The following CAST variants were observed in gnomAD, a reference collection of about 807,000 sequenced individuals.
CAST encodes the protein calpastatin.
A neutral mutation model predicts 119.6 loss-of-function variants in CAST; 76 were observed. The ratio of observed to expected loss-of-function variants is 0.64; its 90% CI spans 0.53 to 0.77. CAST has a LOEUF of 0.77. CAST is among the 30% of genes least tolerant of loss of function. The pLI is 0.00. For missense variants in CAST, 953 were observed against 946.5 expected (o/e 1.01, Z -0.09); for synonymous variants, 319 against 331.6 (o/e 0.96, Z 0.41).
At chr5:96,531,631 A>AT (rs1745690781) in intron 1 of CAST, among the ~76,000 whole-genome samples, 1 of 152,190 alleles carries the variant, frequency 6.6e-6, no homozygotes, top group Non-Finnish European at 1.5e-5. Flanking sequence ...AGATCACAAG[A>AT]TTTTTTTAAG....
chr5:96,485,872 A>T, the CAST span, among the ~76,000 whole-genome samples: 94 of 152,080 alleles, frequency 6.2e-4, no homozygotes, highest in Admixed American at 2.9e-3. Flanking sequence ...CCTTACAATT[A>T]CTGGGGGTGT....
At chr5:96,350,968 A>C in the CAST span, among the ~76,000 whole-genome samples, 1 of 152,136 alleles carries the variant, frequency 6.6e-6, no homozygotes, top group African/African-American at 2.4e-5. Flanking sequence ...CATGTCATGC[A>C]TTTTTCTGTG....
At position 96,773,850 on chromosome 5, in the gene CAST, C is replaced by T. The variant is rs1716049319; in HGVS notation, c.*1234C>T. ...ATTTATTGTTTCCAAAGGGCATGGC[C>T]TTCCTTAGCATCAGTTTGAAGCTTT... On this transcript the variant is annotated 3_prime_UTR_variant, in exon 32 of 32. Transcript: ENST00000675179. 6.6e-6 allele frequency: 1 copy of T among 152,200 alleles called. No homozygotes were observed. The highest frequency in any genetic ancestry group is 2.1e-4 in the South Asian group (1 of 4,826). 9.4% of individuals were successfully genotyped at this position (152,200 alleles called of 1,614,324 possible). A position where few individuals can be genotyped will look rare whatever the true frequency, so the allele number is the denominator to read the frequency against.
At chr5:96,564,612 G>T (rs1046682655) in intron 1 of CAST, among the ~76,000 whole-genome samples, 1 of 152,196 alleles carries the variant, frequency 6.6e-6, no homozygotes, top group African/African-American at 2.4e-5. Flanking sequence ...ATCTGTGAAG[G>T]CTCCAACTTA....
At chr5:96,159,697 G>A in the CAST span, among the ~76,000 whole-genome samples, 1 of 152,084 alleles carries the variant, frequency 6.6e-6, no homozygotes, top group African/African-American at 2.4e-5. Flanking sequence ...CTTTAGTCCA[G>A]TAGATATACT....
the CAST span, among the ~76,000 whole-genome samples, chr5:96,061,392 A>T: frequency 6.6e-6 from 1 of 152,168 alleles, no homozygotes; most frequent in African/African-American, 2.4e-5. Flanking sequence ...TAAAAGTGGT[A>T]CGTTCACAAA....
chr5:96,608,063 T>C (rs1747293853), intron 1 of CAST, among the ~76,000 whole-genome samples: 1 of 152,184 alleles, frequency 6.6e-6, no homozygotes, highest in African/African-American at 2.4e-5. Context: ...TTATTGCTCC[T>C]GTCTATCTGA....
the CAST span, among the ~76,000 whole-genome samples, chr5:95,968,443 T>G: frequency 6.6e-6 from 1 of 152,196 alleles, no homozygotes; most frequent in Non-Finnish European, 1.5e-5. Flanking sequence ...GATTTTAAAT[T>G]ATTGGAAAGA....
At chr5:96,756,820 G>A (rs17086638) in intron 22 of CAST, among the ~76,000 whole-genome samples, 14,663 of 152,106 alleles carry the variant, frequency 0.096, 850 homozygotes, top group African/African-American at 0.15. Context: ...AAAGAGCCCC[G>A]CATGCTTTCT....
the CAST span, among the ~76,000 whole-genome samples, chr5:96,039,333 T>A: frequency 6.6e-6 from 1 of 152,132 alleles, no homozygotes; most frequent in South Asian, 2.1e-4. Context: ...TGTCCGTTCA[T>A]GCTGATGATA....
At chr5:96,548,525 C>T (rs916602972) in intron 1 of CAST, among the ~76,000 whole-genome samples, 8 of 152,078 alleles carry the variant, frequency 5.3e-5, no homozygotes, top group African/African-American at 1.4e-4. Flanking sequence ...ATGCACCCCC[C>T]GCCCCCCACC....
At chr5:96,680,912 C>T (rs26483) in intron 2 of CAST, among the ~76,000 whole-genome samples, 35,690 of 152,178 alleles carry the variant, frequency 0.23, 5,389 homozygotes, top group African/African-American at 0.42. Context: ...TGCACAAGCT[C>T]ATGTCTCAGT....
At chr5:96,488,910 A>G in the CAST span, among the ~76,000 whole-genome samples, 1 of 152,222 alleles carries the variant, frequency 6.6e-6, no homozygotes, top group Admixed American at 6.5e-5. Flanking sequence ...TCAATGATAA[A>G]TGAAAATGGC....
chr5:96,107,889 A>G, the CAST span, among the ~76,000 whole-genome samples: 2 of 152,070 alleles, frequency 1.3e-5, no homozygotes, highest in African/African-American at 4.8e-5. Flanking sequence ...GTCTTTTCAC[A>G]TAGTCCCATA....
chr5:96,364,651 T>A, the CAST span, among the ~76,000 whole-genome samples: 133 of 152,376 alleles, frequency 8.7e-4, no homozygotes, highest in Non-Finnish European at 1.3e-3. Flanking sequence ...TTTGTATTTC[T>A]GTGGGATTGG....
chr5:96,673,669 C>CT (rs1008326557), intron 1 of CAST, among the ~76,000 whole-genome samples: 2 of 152,190 alleles, frequency 1.3e-5, no homozygotes, highest in African/African-American at 4.8e-5. Flanking sequence ...CCCTTATTTA[C>CT]TTTAACAGAG....
intron 2 of CAST, among the ~76,000 whole-genome samples, chr5:96,690,380 C>T (rs185952089): frequency 1.3e-5 from 2 of 152,108 alleles, no homozygotes; most frequent in East Asian, 1.9e-4. Flanking sequence ...TACAGACATG[C>T]GCCATTACAC....
chr5:96,191,935 G>A, the CAST span, among the ~76,000 whole-genome samples: 2 of 152,032 alleles, frequency 1.3e-5, no homozygotes, highest in African/African-American at 2.4e-5. Flanking sequence ...ATAATTTCAC[G>A]GTGACAAGAA....
At chr5:96,336,023 A>C in the CAST span, among the ~76,000 whole-genome samples, 4 of 152,052 alleles carry the variant, frequency 2.6e-5, no homozygotes, top group African/African-American at 9.7e-5. Context: ...GACCTGGCCC[A>C]CTCCATTCTC....
Sources: gnomAD v4.1 joint callset for allele counts (sites outside exome capture counted in the v4.1 genomes callset) on GRCh38, gnomAD v4.1.1 for gene constraint, MANE v1.5 for transcripts, NCBI Gene and HGNC (gene_info 2026-07-23, HGNC 2026-07-21) for gene names.